Variants in THRAP3 observed in about 807,000 individuals in gnomAD.
The protein encoded by THRAP3 is thyroid hormone receptor-associated protein 3.
In THRAP3, 16 loss-of-function variants were observed where a neutral mutation model predicts 101.0. That is an observed-to-expected ratio of 0.16 (90% CI 0.11 to 0.24). THRAP3 has a LOEUF of 0.24. THRAP3 is among the 10% of genes least tolerant of loss of function. The pLI is 1.00. For missense variants in THRAP3, 989 were observed against 1,202.7 expected (o/e 0.82, Z 2.63); for synonymous variants, 407 against 422.6 (o/e 0.96, Z 0.45).
the THRAP3 span, among the ~76,000 whole-genome samples, chr1:36,209,615 T>C: frequency 6.6e-6 from 1 of 152,028 alleles, no homozygotes; most frequent in Non-Finnish European, 1.5e-5. Flanking sequence ...TAGGAGTAAA[T>C]AAAACGTGCC....
chr1:36,274,625 CTTTTTTTTT>C, intron 2 of THRAP3, among the ~76,000 whole-genome samples: 1 of 59,320 alleles, frequency 1.7e-5, no homozygotes, highest in African/African-American at 6.4e-5. Flanking sequence ...ATTAATTGGG[CTTTTTTTTT>C]TTTTTTTTTT....
chr1:36,237,997 A>AT (rs939915313), intron 1 of THRAP3, among the ~76,000 whole-genome samples: 1 of 150,966 alleles, frequency 6.6e-6, no homozygotes, highest in Non-Finnish European at 1.5e-5. Flanking sequence ...ATTTAGCAAA[A>AT]TTTTTTTTTC....
At chr1:36,272,443 T>C (rs2124542199) in intron 2 of THRAP3, among the ~76,000 whole-genome samples, 1 of 152,298 alleles carries the variant, frequency 6.6e-6, no homozygotes, top group Non-Finnish European at 1.5e-5. Context: ...TGGCAGAGTG[T>C]TACTCTAGAG....
intron 1 of THRAP3, among the ~76,000 whole-genome samples, chr1:36,258,006 A>G (rs1487179815): frequency 6.6e-6 from 1 of 151,814 alleles, no homozygotes; most frequent in African/African-American, 2.4e-5. Context: ...ATGCCCGGCT[A>G]CTTTTTGTAT....
intron 1 of THRAP3, among the ~76,000 whole-genome samples, chr1:36,227,482 A>G (rs547135379): frequency 1.4e-4 from 21 of 152,122 alleles, no homozygotes; most frequent in Non-Finnish European, 2.9e-4. Context: ...GTGTTTCTCC[A>G]TGTTGGTCAG....
rs894765846 is a variant in THRAP3, at chr1:36,277,934, A to T, written c.-31-4599A>T. Among the ~76,000 whole-genome samples, 6 of 149,274 alleles carry T rather than the reference A, an allele frequency of 4.0e-5. No individual in the cohort carries two copies. The East Asian group carries it at 1.0e-3, about 25-fold the overall frequency. On this transcript the variant is annotated intron_variant, in intron 2 of 11. Coordinates refer to ENST00000354618, the MANE Select transcript of THRAP3 (RefSeq NM_005119.4). ...GCTGCCACACCCAGCTAATTTTAGT[A>T]TTTTTTTTAGTAGAGAGGGGGTTTA... is the stretch of plus-strand genomic sequence containing the variant.
At chr1:36,277,339 A>G (rs1645673867) in intron 2 of THRAP3, among the ~76,000 whole-genome samples, 1 of 151,742 alleles carries the variant, frequency 6.6e-6, no homozygotes, top group Non-Finnish European at 1.5e-5. Flanking sequence ...GCAGTGGTGT[A>G]CAGGCAGCTG....
At chr1:36,212,352 G>A in the THRAP3 span, among the ~76,000 whole-genome samples, 3 of 151,668 alleles carry the variant, frequency 2.0e-5, no homozygotes, top group African/African-American at 7.3e-5. Flanking sequence ...TTATCAGCCA[G>A]TCACCTGCTC....
chr1:36,251,904 G>A (rs1254712733), intron 1 of THRAP3, among the ~76,000 whole-genome samples: 1 of 152,214 alleles, frequency 6.6e-6, no homozygotes, highest in Non-Finnish European at 1.5e-5. Flanking sequence ...ACAACTAGTA[G>A]TTGGTGGAGT....
intron 1 of THRAP3, among the ~76,000 whole-genome samples, chr1:36,243,633 A>G (rs1459818791): frequency 4.6e-5 from 7 of 152,166 alleles, no homozygotes; most frequent in Non-Finnish European, 7.4e-5. Context: ...CGACTTCTCA[A>G]TCCTTTCCCC....
chr1:36,258,586 C>T (rs1645405043), intron 1 of THRAP3, among the ~76,000 whole-genome samples: 2 of 152,160 alleles, frequency 1.3e-5, no homozygotes, highest in Non-Finnish European at 2.9e-5. Flanking sequence ...CGCCACTCTC[C>T]CACCTCAGCC....
In THRAP3 at chr1:36,248,897, T is replaced by C. The variant is rs79937162; in HGVS notation, c.-134-10485T>C. 8.8e-4 allele frequency among the ~76,000 whole-genome samples: 134 copies of C among 151,564 alleles called. 1 individual carries two copies. Among genetic ancestry groups the C allele is most frequent in the East Asian group, 6.8e-3 (35 of 5,158 alleles). The stretch of plus-strand genomic sequence containing the variant: ...TAAGGCACAGTCCCTATTCTTTTTC[T>C]TTCTTTCTTTTTTTTTTTTGGAGAC... On this transcript the variant is annotated intron_variant, in intron 1 of 11. Transcript: ENST00000354618.
At chr1:36,260,211 C>T (rs1645427107) in intron 2 of THRAP3, among the ~76,000 whole-genome samples, 1 of 152,138 alleles carries the variant, frequency 6.6e-6, no homozygotes, top group South Asian at 2.1e-4. Context: ...CACTGCCCTC[C>T]AGCCTGGGCA....
chr1:36,273,236 C>T (rs1645612974), intron 2 of THRAP3, among the ~76,000 whole-genome samples: 1 of 152,232 alleles, frequency 6.6e-6, no homozygotes, highest in African/African-American at 2.4e-5. Context: ...AGCATGCTGT[C>T]TTCTCAGCAG....
At chr1:36,250,202 G>A (rs1463535291) in intron 1 of THRAP3, among the ~76,000 whole-genome samples, 1 of 150,766 alleles carries the variant, frequency 6.6e-6, no homozygotes, top group Non-Finnish European at 1.5e-5. Flanking sequence ...GGCCCTTAGT[G>A]AATTAGGCAT....
chr1:36,291,592 G>C (rs914136518), intron 6 of THRAP3, 46 bp downstream of exon 6: 1 of 1,591,764 alleles, frequency 6.3e-7, no homozygotes, highest in East Asian at 2.2e-5. Context: ...TCCACACTTA[G>C]AAGAAGGATG....
chr1:36,274,602 C>T (rs1645631590), intron 2 of THRAP3, among the ~76,000 whole-genome samples: 1 of 146,698 alleles, frequency 6.8e-6, no homozygotes, highest in South Asian at 2.2e-4. Context: ...GGAAATGAAT[C>T]CTTACATTTA....
intron 1 of THRAP3, among the ~76,000 whole-genome samples, chr1:36,255,763 ACT>A (rs1645365279): frequency 7.8e-6 from 1 of 128,890 alleles, no homozygotes; most frequent in Non-Finnish European, 1.6e-5. Flanking sequence ...AGGGAGTGAG[ACT>A]CTGTCTCAAA....
intron 2 of THRAP3, among the ~76,000 whole-genome samples, chr1:36,264,892 A>G (rs955409456): frequency 3.9e-5 from 6 of 152,220 alleles, no homozygotes; most frequent in Non-Finnish European, 8.8e-5. Context: ...TCTGGAGGCT[A>G]GAAATTCAAA....
Sources: allele counts gnomAD v4.1 joint callset (sites outside exome capture counted in the v4.1 genomes callset), GRCh38; gene constraint gnomAD v4.1.1; transcripts MANE v1.5; gene names NCBI Gene and HGNC (gene_info 2026-07-23, HGNC 2026-07-21).